ATG7: variants seen among roughly 807,000 people sequenced by gnomAD.
ATG7 encodes the protein ubiquitin-like modifier-activating enzyme ATG7.
ATG7 carries 70 observed loss-of-function variants against 82.4 expected under a neutral mutation model. That is an observed-to-expected ratio of 0.85 (90% CI 0.70 to 1.04). The LOEUF (loss-of-function observed/expected upper bound fraction) is 1.04, where lower values mean the gene tolerates loss of function less well. Among genes scored for constraint, ATG7 ranks in the 50% least tolerant of loss-of-function variants. The pLI, the probability that ATG7 is intolerant of heterozygous loss-of-function variation, is 0.00. For synonymous variants in ATG7, 287 were observed against 313.0 expected, an observed-to-expected ratio of 0.92 and a Z score of 0.88; for missense variants, 792 against 864.3, an observed-to-expected ratio of 0.92 and a Z score of 1.05.
chr3:11,418,250 A>G (rs1253101463), intron 19 of ATG7, among the ~76,000 whole-genome samples: 1 of 149,494 alleles, frequency 6.7e-6, no homozygotes, highest in African/African-American at 2.5e-5. Flanking sequence ...GACTACAGGC[A>G]TATGTCACCA....
intron 20 of ATG7, among the ~76,000 whole-genome samples, chr3:11,504,728 A>G (rs1216159526): frequency 6.6e-6 from 1 of 152,270 alleles, no homozygotes; most frequent in Admixed American, 6.5e-5. Flanking sequence ...CAGAAAAGAC[A>G]GTTGTTAATT....
At chr3:11,289,656 C>T (rs1441685850) in intron 3 of ATG7, among the ~76,000 whole-genome samples, 2 of 152,278 alleles carry the variant, frequency 1.3e-5, no homozygotes, top group Non-Finnish European at 2.9e-5. Context: ...CTGGTGGGCT[C>T]GAGCTATCTT....
At chr3:11,535,428 C>T (rs1456072892) in intron 20 of ATG7, among the ~76,000 whole-genome samples, 1 of 152,196 alleles carries the variant, frequency 6.6e-6, no homozygotes, top group Non-Finnish European at 1.5e-5. Flanking sequence ...AAGTCTTCTG[C>T]GTCGGCCCTC....
chr3:11,402,423 A>G (rs1356402653), intron 19 of ATG7, among the ~76,000 whole-genome samples: 2 of 152,030 alleles, frequency 1.3e-5, no homozygotes, highest in African/African-American at 4.8e-5. Flanking sequence ...ATAGAGTGAG[A>G]CTCCGTCTCA....
chr3:11,449,742 C>CT (rs1333105313), intron 20 of ATG7, among the ~76,000 whole-genome samples: 1 of 152,198 alleles, frequency 6.6e-6, no homozygotes, highest in Non-Finnish European at 1.5e-5. Context: ...AGGGCCACAC[C>CT]TTTCCCCCTT....
intron 18 of ATG7, among the ~76,000 whole-genome samples, chr3:11,373,443 G>A (rs765365161): frequency 2.5e-4 from 38 of 152,170 alleles, no homozygotes; most frequent in Admixed American, 9.8e-4. Context: ...TAGTAACAAA[G>A]CATCCTGTTT....
intron 20 of ATG7, chr3:11,477,000 A>T: frequency 3.2e-6 from 3 of 947,724 alleles, no homozygotes; most frequent in Middle Eastern, 2.6e-4. Context: ...CCTCTTTATT[A>T]CAGTGTTTTC....
In ATG7 at chr3:11,462,487, A is replaced by G. The variant is rs372004394; in HGVS notation, c.2079+35561A>G. On this transcript the variant is annotated intron_variant, in intron 20 of 20. Transcript: ENST00000693202. ...GCCATGATGGGGGTTTCCTTGGAAA[A>G]GTCAAGGCAGGGCAGCGTGAACACT... Among the ~76,000 whole-genome samples the G allele has an allele frequency of 3.3e-5, 5 of 152,222 alleles. No homozygotes were observed. In the South Asian group the frequency reaches 1.0e-3, roughly 32 times the overall value.
At chr3:11,462,951 T>G (rs1350383617) in intron 20 of ATG7, among the ~76,000 whole-genome samples, 1 of 151,966 alleles carries the variant, frequency 6.6e-6, no homozygotes, top group Non-Finnish European at 1.5e-5. Flanking sequence ...AATGGTGCGA[T>G]CTCTGCTCAC....
At chr3:11,288,601 C>A (rs1360329933) in intron 3 of ATG7, 1 of 152,092 alleles carries the variant, frequency 6.6e-6, no homozygotes, top group South Asian at 2.1e-4. Flanking sequence ...AAAGGTCATG[C>A]AGTGAAAATA....
At chr3:11,326,506 G>A (rs1036838395) in intron 9 of ATG7, among the ~76,000 whole-genome samples, 3 of 152,136 alleles carry the variant, frequency 2.0e-5, no homozygotes, top group Admixed American at 6.5e-5. Flanking sequence ...CACTGTGTTA[G>A]CCAGGATGGT....
At chr3:11,560,936 G>A (rs944499800), downstream of ATG7, among the ~76,000 whole-genome samples, 7 of 152,082 alleles carry the variant, frequency 4.6e-5, no homozygotes, top group African/African-American at 7.2e-5. Flanking sequence ...GTTGGGGACC[G>A]ACAGATGAGG....
chr3:11,367,272 C>T (rs1327289573), intron 18 of ATG7, among the ~76,000 whole-genome samples: 1 of 152,176 alleles, frequency 6.6e-6, no homozygotes, highest in Non-Finnish European at 1.5e-5. Flanking sequence ...CTTCCCTCCT[C>T]CTCTTCCTGG....
In ATG7 at chr3:11,426,931, G is replaced by C; in HGVS notation, c.2079+5G>C. 1 of 1,587,270 alleles carries C rather than the reference G, an allele frequency of 6.3e-7. No homozygotes were observed. The highest frequency in any genetic ancestry group is 8.5e-7 in the Non-Finnish European group (1 of 1,170,722). On this transcript the variant is annotated splice_donor_5th_base_variant and intron_variant, in intron 20 of 20. Transcript: ENST00000693202. ...CAAGAAACCCAAGCTGCTGAGGTAA[G>C]AACAAAACAAGCTTTCTGTAGTGAA...
the ATG7 span, among the ~76,000 whole-genome samples, chr3:11,571,829 G>A: frequency 1.8e-4 from 28 of 152,048 alleles, no homozygotes; most frequent in Non-Finnish European, 3.8e-4. Flanking sequence ...CCTATTGGCC[G>A]GGCACAGTGG....
At chr3:11,529,662 T>G (rs2092655233) in intron 20 of ATG7, 2 of 155,820 alleles carry the variant, frequency 1.3e-5, no homozygotes, top group African/African-American at 4.8e-5. Flanking sequence ...AATAGGGAAC[T>G]TCTTGATTTT....
At chr3:11,353,594 T>C (rs2075722108) in intron 14 of ATG7, among the ~76,000 whole-genome samples, 1 of 152,140 alleles carries the variant, frequency 6.6e-6, no homozygotes, top group African/African-American at 2.4e-5. Flanking sequence ...GTCATGGAGG[T>C]GGATCCCTCA....
At chr3:11,569,278 A>T in the ATG7 span, among the ~76,000 whole-genome samples, 2 of 152,178 alleles carry the variant, frequency 1.3e-5, no homozygotes, top group Admixed American at 6.5e-5. Flanking sequence ...AGCTACACTG[A>T]TCTGAGTCTG....
chr3:11,470,107 C>G (rs1307766198), intron 20 of ATG7, among the ~76,000 whole-genome samples: 1 of 151,438 alleles, frequency 6.6e-6, no homozygotes, highest in Non-Finnish European at 1.5e-5. Flanking sequence ...ACTGTAAGAT[C>G]TGGAAATCCC....
Sources: gnomAD v4.1 joint callset for allele counts (sites outside exome capture counted in the v4.1 genomes callset) on GRCh38, gnomAD v4.1.1 for gene constraint, MANE v1.5 for transcripts, NCBI Gene and HGNC (gene_info 2026-07-23, HGNC 2026-07-21) for gene names.